Variants in STAT5B observed in about 807,000 individuals in gnomAD.
STAT5B encodes transcription factor STAT5B.
Under a neutral mutation model 107.8 loss-of-function variants are expected in STAT5B, and 21 were observed. That is an observed-to-expected ratio of 0.19 (90% CI 0.14 to 0.28). The LOEUF is 0.28. Among genes scored for constraint, STAT5B ranks in the 10% least tolerant of loss-of-function variants. The pLI is 1.00. For missense variants in STAT5B, 565 were observed against 1,008.2 expected, an observed-to-expected ratio of 0.56 and a Z score of 5.95; for synonymous variants, 325 against 401.7, an observed-to-expected ratio of 0.81 and a Z score of 2.28.
At chr17:42,258,602 C>G (rs2080567457) in intron 1 of STAT5B, among the ~76,000 whole-genome samples, 1 of 152,218 alleles carries the variant, frequency 6.6e-6, no homozygotes, top group South Asian at 2.1e-4. Flanking sequence ...TCACTTGAAC[C>G]TGGGAGACGG....
the STAT5B span, among the ~76,000 whole-genome samples, chr17:42,282,927 G>A: frequency 6.6e-6 from 1 of 152,218 alleles, no homozygotes; most frequent in Non-Finnish European, 1.5e-5. Flanking sequence ...AAGGGGAAAA[G>A]CCTGGCCGAA....
intron 13 of STAT5B, 122 bp from the exon 14 acceptor site, chr17:42,210,619 T>C: frequency 1.1e-6 from 1 of 912,324 alleles, no homozygotes; most frequent in Non-Finnish European, 1.8e-6. Context: ...GGCATACAAA[T>C]ATCCCCGCCT....
At chr17:42,280,032 G>C (rs939300162), upstream of STAT5B, among the ~76,000 whole-genome samples, 4 of 151,986 alleles carry the variant, frequency 2.6e-5, no homozygotes, top group African/African-American at 9.7e-5. Context: ...GTTCTGATGG[G>C]GTGGGACCCT....
chr17:42,215,090 C>T (rs2080160343), intron 12 of STAT5B, among the ~76,000 whole-genome samples: 1 of 152,196 alleles, frequency 6.6e-6, no homozygotes, highest in South Asian at 2.1e-4. Flanking sequence ...TAGTGGGATT[C>T]AGATAGCGTT....
At chr17:42,263,349 T>C (rs1166817922) in intron 1 of STAT5B, among the ~76,000 whole-genome samples, 1 of 152,008 alleles carries the variant, frequency 6.6e-6, no homozygotes, top group African/African-American at 2.4e-5. Context: ...CAGGATACTA[T>C]ACCAAAAAAT....
chr17:42,222,287 T>TTA (rs1478311703), intron 5 of STAT5B, among the ~76,000 whole-genome samples: 1 of 151,958 alleles, frequency 6.6e-6, no homozygotes, highest in African/African-American at 2.4e-5. Flanking sequence ...GAGGAAACTA[T>TTA]TAAAGCTCAA....
At chr17:42,260,959 G>A (rs992508179) in intron 1 of STAT5B, among the ~76,000 whole-genome samples, 2 of 146,218 alleles carry the variant, frequency 1.4e-5, no homozygotes, top group East Asian at 2.0e-4. Flanking sequence ...TTTTGTCGCC[G>A]AGGCTGAAGT....
chr17:42,271,330 T>G (rs899617417), intron 1 of STAT5B: 3 of 152,236 alleles, frequency 2.0e-5, no homozygotes, highest in Non-Finnish European at 4.4e-5. Flanking sequence ...TTAAAAATAT[T>G]AGTCACCAAA....
chr17:42,217,195 T>C lies in STAT5B; in HGVS notation c.1345A>G (p.Ser449Gly). The change falls in exon 11 of 19, where the codon AGT becomes GGT. Residue 449 changes from serine (S) to glycine (G), a missense_variant. Transcript: ENST00000293328. The part of the protein sequence containing the change: ...KFTILFESQF[S>G]VGGNELVFQV... The stretch of plus-strand genomic sequence containing the variant: ...AAAACCAGCTCATTTCCACCAACAC[T>C]GAACTGGGATTCAAACAGGATTGTA... The C allele has an allele frequency of 6.2e-7, 1 of 1,614,104 alleles. No individual in the cohort carries two copies. Among genetic ancestry groups the C allele is most frequent in the Non-Finnish European group, 8.5e-7 (1 of 1,179,988 alleles).
At chr17:42,257,864 T>A (rs2080559856) in intron 1 of STAT5B, among the ~76,000 whole-genome samples, 1 of 152,186 alleles carries the variant, frequency 6.6e-6, no homozygotes, top group African/African-American at 2.4e-5. Flanking sequence ...TTTGAAACAC[T>A]TAAAAATGTC....
chr17:42,278,279 G>C (rs981991477), upstream of STAT5B, among the ~76,000 whole-genome samples: 1 of 152,182 alleles, frequency 6.6e-6, no homozygotes, highest in Admixed American at 6.5e-5. Flanking sequence ...AAGGGCAGAC[G>C]CAATATGCTA....
intron 1 of STAT5B, among the ~76,000 whole-genome samples, chr17:42,262,675 G>C (rs1024994189): frequency 1.3e-5 from 2 of 149,932 alleles, no homozygotes; most frequent in East Asian, 2.0e-4. Context: ...ACAAAGTTCA[G>C]GGTTAAAACA....
intron 16 of STAT5B, among the ~76,000 whole-genome samples, chr17:42,205,200 G>C (rs752522718): frequency 7.3e-5 from 11 of 151,344 alleles, no homozygotes; most frequent in Non-Finnish European, 1.6e-4. Context: ...GCTAATTTTT[G>C]TATGTTTTTT....
At chr17:42,220,798 T>C (rs189768234) in intron 5 of STAT5B, among the ~76,000 whole-genome samples, 1 of 152,226 alleles carries the variant, frequency 6.6e-6, no homozygotes, top group African/African-American at 2.4e-5. Context: ...TTAAAAATTA[T>C]TATGAAATAG....
chr17:42,277,125 G>C (rs2080773269), upstream of STAT5B, among the ~76,000 whole-genome samples: 2 of 152,216 alleles, frequency 1.3e-5, no homozygotes, highest in South Asian at 4.1e-4. Context: ...AGGATCCAGG[G>C]GAAGGGGGTC....
chr17:42,224,990 T>G, intron 3 of STAT5B, 122 bp from the exon 4 acceptor site: 3 of 874,590 alleles, frequency 3.4e-6, no homozygotes, highest in Admixed American at 2.0e-5. Flanking sequence ...GTTCCTCCAA[T>G]ACCAACAGGA....
chr17:42,246,420 A>T (rs1008715561), intron 1 of STAT5B, among the ~76,000 whole-genome samples: 1 of 152,150 alleles, frequency 6.6e-6, no homozygotes, highest in Admixed American at 6.5e-5. Context: ...TTTAAAATGC[A>T]ATTCTTTCAC....
At chr17:42,225,503 G>C (rs559795951) in intron 3 of STAT5B, among the ~76,000 whole-genome samples, 2 of 152,222 alleles carry the variant, frequency 1.3e-5, no homozygotes, top group African/African-American at 4.8e-5. Context: ...TGTGATACCC[G>C]AGAAGGACAA....
chr17:42,219,850 A>C lies in STAT5B; in HGVS notation c.551-8T>G. On this transcript the variant is annotated splice_region_variant and splice_polypyrimidine_tract_variant and intron_variant, in intron 5 of 18. Transcript: ENST00000293328. ...CCAGCGGGCCAAACTGAGCTAGAGG[A>C]GGGGAGAGGAAACCATGACCATCAC... 6.2e-7 allele frequency: 1 copy of C among 1,614,112 alleles called. No individual in the cohort carries two copies. The highest frequency in any genetic ancestry group is 1.1e-5 in the South Asian group (1 of 91,084).
Sources: gnomAD v4.1 joint callset for allele counts (sites outside exome capture counted in the v4.1 genomes callset) on GRCh38, gnomAD v4.1.1 for gene constraint, MANE v1.5 for transcripts, NCBI Gene and HGNC (gene_info 2026-07-23, HGNC 2026-07-21) for gene names.